The following GNG12 variants were observed in gnomAD, a reference collection of about 807,000 sequenced individuals.
The protein encoded by GNG12 is guanine nucleotide-binding protein G(I)/G(S)/G(O) subunit gamma-12.
For synonymous variants in GNG12, 28 were observed against 29.7 expected, an observed-to-expected ratio of 0.94 and a Z score of 0.19; for missense variants, 69 against 83.8, an observed-to-expected ratio of 0.82 and a Z score of 0.69.
chr1:67,797,375 G>A (rs1646837942), intron 1 of GNG12, among the ~76,000 whole-genome samples: 1 of 152,144 alleles, frequency 6.6e-6, no homozygotes, highest in South Asian at 2.1e-4. Flanking sequence ...TCAATGGAAG[G>A]TGGAAATACT....
intron 1 of GNG12, among the ~76,000 whole-genome samples, chr1:67,819,586 G>T (rs1646973705): frequency 6.6e-6 from 1 of 152,214 alleles, no homozygotes. Context: ...ACTCATTACA[G>T]CTTATTTCTG....
chr1:67,816,024 C>T (rs1408267119), intron 1 of GNG12, among the ~76,000 whole-genome samples: 1 of 152,222 alleles, frequency 6.6e-6, no homozygotes, highest in African/African-American at 2.4e-5. Flanking sequence ...GATTTTCAGT[C>T]ACTCCTCAGC....
intron 1 of GNG12, among the ~76,000 whole-genome samples, chr1:67,831,391 A>T (rs1456224361): frequency 1.3e-5 from 2 of 152,210 alleles, no homozygotes; most frequent in African/African-American, 4.8e-5. Context: ...GTAAGACTGG[A>T]GCTTTCTGGA....
chr1:67,712,608 G>A lies in GNG12; in HGVS notation c.-26-4896C>T, dbSNP rs542275736. ...CTCAGGAGGCTGAAGTGGGAGAATC[G>A]CTTGAGCCCAGGAGGTTGAGGCTGC... On this transcript the variant is annotated intron_variant, in intron 2 of 3. Coordinates refer to ENST00000370982, the MANE Select transcript of GNG12 (RefSeq NM_018841.6). Among the ~76,000 whole-genome samples the A allele has an allele frequency of 1.8e-3, 281 of 152,120 alleles. 1 individual carries two copies. Among genetic ancestry groups the A allele is most frequent in the African/African-American group, 6.2e-3 (259 of 41,498 alleles).
At chr1:67,782,342 T>C (rs1646742356) in intron 1 of GNG12, among the ~76,000 whole-genome samples, 1 of 152,172 alleles carries the variant, frequency 6.6e-6, no homozygotes, top group Non-Finnish European at 1.5e-5. Flanking sequence ...TTAAAAACAG[T>C]GGGTTAAAAT....
intron 2 of GNG12, among the ~76,000 whole-genome samples, chr1:67,709,497 T>C (rs1465963774): frequency 2.0e-5 from 3 of 152,054 alleles, no homozygotes; most frequent in Non-Finnish European, 2.9e-5. Flanking sequence ...AAGGAAGCTC[T>C]AGCAGTACAG....
chr1:67,802,911 A>C (rs1646874788), intron 1 of GNG12, among the ~76,000 whole-genome samples: 1 of 152,242 alleles, frequency 6.6e-6, no homozygotes, highest in Admixed American at 6.5e-5. Flanking sequence ...TGGTTGATGA[A>C]GCCAGGAAAG....
rs190935845 is a variant in GNG12 at position 67,759,208 on chromosome 1, C to T, written c.-27+18250G>A. ...AAGAAGTTAGGGGTGAAATCCAGCA[C>T]ATGGAACAGCATATACATCCCACAG... On this transcript the variant is annotated intron_variant, in intron 2 of 3. Transcript: ENST00000370982. Among the ~76,000 whole-genome samples, 4 of 152,284 alleles carry T rather than the reference C, an allele frequency of 2.6e-5. No individual in the cohort carries two copies. The East Asian group carries it at 5.8e-4, about 22-fold the overall frequency.
At chr1:67,746,897 A>G (rs544161990) in intron 2 of GNG12, among the ~76,000 whole-genome samples, 1 of 152,306 alleles carries the variant, frequency 6.6e-6, no homozygotes, top group East Asian at 1.9e-4. Flanking sequence ...AAAGGCAGCT[A>G]AACATTCCTA....
intron 1 of GNG12, among the ~76,000 whole-genome samples, chr1:67,788,153 C>T (rs562857853): frequency 1.3e-5 from 2 of 152,294 alleles, no homozygotes; most frequent in South Asian, 4.1e-4. Context: ...ATAATTTACA[C>T]TGAATAATAT....
At chr1:67,726,695 A>G (rs183029044) in intron 2 of GNG12, among the ~76,000 whole-genome samples, 71 of 152,368 alleles carry the variant, frequency 4.7e-4, no homozygotes, top group Non-Finnish European at 9.8e-4. Context: ...TTCTAGTTAA[A>G]TATCAATTAG....
At position 67,741,318 on chromosome 1, in the gene GNG12, C is replaced by T. The variant is rs527476624; in HGVS notation, c.-26-33606G>A. ...TTGCACACCTGGACTTCATGGCCACCGCCTTCTTGTGTAAGGTCACTGACA... is the reference window on the plus strand; with the variant it reads ...TTGCACACCTGGACTTCATGGCCACTGCCTTCTTGTGTAAGGTCACTGACA... On this transcript the variant is annotated intron_variant, in intron 2 of 3. Coordinates refer to ENST00000370982, the MANE Select transcript of GNG12 (RefSeq NM_018841.6). Among the ~76,000 whole-genome samples the T allele has an allele frequency of 1.2e-4, 18 of 152,334 alleles. No individual in the cohort carries two copies. In the South Asian group the frequency reaches 2.7e-3, roughly 23 times the overall value.
chr1:67,765,284 A>G (rs1266903001), intron 2 of GNG12, among the ~76,000 whole-genome samples: 1 of 152,196 alleles, frequency 6.6e-6, no homozygotes, highest in Non-Finnish European at 1.5e-5. Context: ...ACTGAAGTAC[A>G]GTTCAGTGTT....
chr1:67,730,853 G>C (rs1019805178), intron 2 of GNG12, among the ~76,000 whole-genome samples: 2 of 152,086 alleles, frequency 1.3e-5, no homozygotes, highest in African/African-American at 4.8e-5. Context: ...GTAATCTATT[G>C]TTTCAGAGTA....
chr1:67,825,269 A>G (rs1226102221), intron 1 of GNG12, among the ~76,000 whole-genome samples: 1 of 152,242 alleles, frequency 6.6e-6, no homozygotes, highest in Admixed American at 6.5e-5. Context: ...AGATAGCTGC[A>G]TTTAACCAGG....
At chr1:67,735,177 A>G (rs1393299913) in intron 2 of GNG12, among the ~76,000 whole-genome samples, 1 of 152,110 alleles carries the variant, frequency 6.6e-6, no homozygotes, top group Non-Finnish European at 1.5e-5. Flanking sequence ...ACAATTTAAT[A>G]GGTATATATT....
At position 67,710,587 on chromosome 1, in the gene GNG12, T is replaced by C. The variant is rs3766253; in HGVS notation, c.-26-2875A>G. Reference sequence around the variant, plus strand: ...GACTCTATTAATATTTATAAAATGCTCGGGTAGGTCCCTCTAAAGTTGGCG... The same window carrying C: ...GACTCTATTAATATTTATAAAATGCCCGGGTAGGTCCCTCTAAAGTTGGCG... On this transcript the variant is annotated intron_variant, in intron 2 of 3. Transcript: ENST00000370982. Among the ~76,000 whole-genome samples the C allele has an allele frequency of 7.4e-4, 112 of 152,236 alleles. 1 individual carries two copies. The East Asian group carries it at 0.015, about 20-fold the overall frequency.
intron 2 of GNG12, among the ~76,000 whole-genome samples, chr1:67,719,690 T>C (rs1391706443): frequency 1.3e-5 from 2 of 152,200 alleles, no homozygotes; most frequent in African/African-American, 4.8e-5. Context: ...ACTAATTCAT[T>C]TGATATTTTC....
In GNG12 at chr1:67,806,204, A is replaced by C. The variant is rs192958437; in HGVS notation, c.-77+27140T>G. Among the ~76,000 whole-genome samples the C allele has an allele frequency of 9.8e-5, 15 of 152,314 alleles. No homozygotes were observed. The East Asian group carries it at 2.5e-3, about 25-fold the overall frequency. Reference sequence around the variant, plus strand: ...GAAACTCAGATCTACATAAAGAAAGAAAGCAAGCATCAGAGAATGCATAAG... The same window carrying C: ...GAAACTCAGATCTACATAAAGAAAGCAAGCAAGCATCAGAGAATGCATAAG... On this transcript the variant is annotated intron_variant, in intron 1 of 3. Transcript: ENST00000370982.
Sources: gnomAD v4.1 joint callset for allele counts (sites outside exome capture counted in the v4.1 genomes callset) on GRCh38, gnomAD v4.1.1 for gene constraint, MANE v1.5 for transcripts, NCBI Gene and HGNC (gene_info 2026-07-23, HGNC 2026-07-21) for gene names.